The following DRAM1 variants were observed in gnomAD, a reference collection of about 807,000 sequenced individuals.
DRAM1 encodes DNA damage regulated autophagy modulator 1, also known as DNA damage-regulated autophagy modulator protein 1.
Under a neutral mutation model 28.5 loss-of-function variants are expected in DRAM1, and 25 were observed. The observed-to-expected ratio is 0.88, with a 90% CI of 0.64 to 1.23. DRAM1 has a LOEUF of 1.23. DRAM1 is among the 50% of genes most tolerant of loss of function. DRAM1 has a pLI of 0.00. For synonymous variants in DRAM1, 113 were observed against 114.2 expected (o/e 0.99, Z 0.07); for missense variants, 249 against 299.2 (o/e 0.83, Z 1.24).
chr12:101,920,867 TG>T (rs1874457161), intron 6 of DRAM1, among the ~76,000 whole-genome samples: 1 of 152,104 alleles, frequency 6.6e-6, no homozygotes, highest in African/African-American at 2.4e-5. Flanking sequence ...GCTGAGATCA[TG>T]CCATTGCACT....
Position 101,908,205 on chromosome 12 carries a change from T to C in DRAM1, c.362T>C (p.Val121Ala). 2 of 1,610,848 alleles carry C rather than the reference T, an allele frequency of 1.2e-6. No homozygotes were observed. Among genetic ancestry groups the C allele is most frequent in the Non-Finnish European group, 1.7e-6 (2 of 1,179,026 alleles). Residue 121 changes from valine (V) to alanine (A), a missense_variant, in exon 4 of 7, where the codon GTT becomes GCT. Val to Ala is a moderately conservative substitution (Grantham distance 64, BLOSUM62 0). Around this residue, in one of 3 missense-constraint regions of DRAM1, gnomAD observed 218 missense variants for 243.1 expected, o/e 0.90. Transcript: ENST00000258534. Reference protein sequence around the residue: ...ANFQELAVPVVHDGGALLAFV... With the variant: ...ANFQELAVPVAHDGGALLAFV... ...CTCCAGGAGTTAGCTGTGCCAGTGG[T>C]TCATGACGGGGGCGCTCTTTTGGCC...
intron 1 of DRAM1, among the ~76,000 whole-genome samples, chr12:101,885,868 CTTGT>C (rs1872869671): frequency 6.6e-6 from 1 of 152,066 alleles, no homozygotes; most frequent in Non-Finnish European, 1.5e-5. Context: ...GGATATTGAT[CTTGT>C]TTATTACCTG....
chr12:101,917,410 G>A (rs1157057456), intron 5 of DRAM1, among the ~76,000 whole-genome samples: 1 of 152,168 alleles, frequency 6.6e-6, no homozygotes, highest in East Asian at 1.9e-4. Context: ...CTTCTTGGCC[G>A]GGTGCGGTGG....
At chr12:101,899,731 G>A (rs1448225540) in intron 2 of DRAM1, among the ~76,000 whole-genome samples, 1 of 150,756 alleles carries the variant, frequency 6.6e-6, no homozygotes, top group Non-Finnish European at 1.5e-5. Context: ...TTTTTAGCCT[G>A]CTTTTTAAAA....
intron 3 of DRAM1, among the ~76,000 whole-genome samples, chr12:101,907,218 AG>A (rs373434938): frequency 0.088 from 12,339 of 140,608 alleles, 671 homozygotes; most frequent in Middle Eastern, 0.15. Flanking sequence ...AAAAAAAAAA[AG>A]AAGAAAAAAG....
At chr12:101,893,941 T>C (rs1447100101) in intron 1 of DRAM1, among the ~76,000 whole-genome samples, 1 of 151,788 alleles carries the variant, frequency 6.6e-6, no homozygotes, top group Non-Finnish European at 1.5e-5. Context: ...ATTAATTAAT[T>C]TATTTTTGAG....
chr12:101,911,834 C>T (rs1170167068), intron 4 of DRAM1, among the ~76,000 whole-genome samples: 2 of 152,094 alleles, frequency 1.3e-5, no homozygotes, highest in East Asian at 3.8e-4. Flanking sequence ...TTTATCAATA[C>T]ATAAGATATG....
intron 2 of DRAM1, among the ~76,000 whole-genome samples, chr12:101,898,969 T>C (rs1873490886): frequency 6.6e-6 from 1 of 152,216 alleles, no homozygotes; most frequent in South Asian, 2.1e-4. Flanking sequence ...TATATAGATA[T>C]CAGATGTGGG....
chr12:101,902,743 C>A (rs761973099), intron 3 of DRAM1, among the ~76,000 whole-genome samples: 110 of 152,316 alleles, frequency 7.2e-4, no homozygotes, highest in Admixed American at 2.2e-3. Context: ...GAAATAGAAT[C>A]TTAACTTCCC....
chr12:101,880,197 C>G (rs970695939), intron 1 of DRAM1, among the ~76,000 whole-genome samples: 3 of 151,254 alleles, frequency 2.0e-5, no homozygotes, highest in Non-Finnish European at 4.4e-5. Context: ...TGTAGATAGG[C>G]ATGCACAACC....
chr12:101,890,913 G>A (rs1367205645), intron 1 of DRAM1, among the ~76,000 whole-genome samples: 1 of 152,014 alleles, frequency 6.6e-6, no homozygotes, highest in African/African-American at 2.4e-5. Context: ...ACCACGCCCA[G>A]CTAATTTTTA....
intron 5 of DRAM1, among the ~76,000 whole-genome samples, chr12:101,914,485 C>CTTT (rs553791665): frequency 2.9e-4 from 40 of 137,450 alleles, no homozygotes; most frequent in South Asian, 2.1e-3. Context: ...TCTTCTTCTT[C>CTTT]TTTTTTTTTT....
At chr12:101,894,788 CAT>C (rs972340620) in intron 1 of DRAM1, among the ~76,000 whole-genome samples, 9 of 152,196 alleles carry the variant, frequency 5.9e-5, no homozygotes, top group Non-Finnish European at 1.3e-4. Context: ...CTCATTCTTT[CAT>C]TGCCTTCCCT....
intron 1 of DRAM1, chr12:101,889,991 T>C: frequency 2.3e-6 from 1 of 443,438 alleles, no homozygotes; most frequent in South Asian, 1.6e-5. Flanking sequence ...TTTCTAATGT[T>C]GTGAAGATCA....
At chr12:101,878,194 G>A (rs776357992) in intron 1 of DRAM1, among the ~76,000 whole-genome samples, 21 of 152,126 alleles carry the variant, frequency 1.4e-4, no homozygotes, top group Non-Finnish European at 2.8e-4. Flanking sequence ...CTGGGTATGG[G>A]ACAGAATCTC....
At chr12:101,909,527 C>T (rs1463885766) in intron 4 of DRAM1, among the ~76,000 whole-genome samples, 4 of 152,122 alleles carry the variant, frequency 2.6e-5, no homozygotes, top group Non-Finnish European at 5.9e-5. Context: ...AAACTCTCCC[C>T]CTCCCTGCAC....
At chr12:101,920,297 C>CTTTTTT (rs373899697) in intron 6 of DRAM1, 96 bp downstream of exon 6, 188 of 277,202 alleles carry the variant, frequency 6.8e-4, no homozygotes, top group East Asian at 4.9e-3. Context: ...AGAGCACTTT[C>CTTTTTT]TTTTTTTTTT....
At chr12:101,912,934 G>C (rs141180230) in intron 4 of DRAM1, among the ~76,000 whole-genome samples, 92 of 152,100 alleles carry the variant, frequency 6.0e-4, no homozygotes, top group African/African-American at 2.2e-3. Context: ...CACCATGTTG[G>C]TCAGACTAGT....
chr12:101,878,204 C>T (rs527544932), intron 1 of DRAM1, among the ~76,000 whole-genome samples: 9 of 152,150 alleles, frequency 5.9e-5, no homozygotes, highest in Non-Finnish European at 1.2e-4. Flanking sequence ...GACAGAATCT[C>T]AGCAGGACGT....
Sources: gnomAD v4.1 joint callset for allele counts (sites outside exome capture counted in the v4.1 genomes callset) on GRCh38, gnomAD v4.1.1 for gene constraint, gnomAD v4.1.1 regional missense constraint, MANE v1.5 for transcripts, NCBI Gene and HGNC (gene_info 2026-07-23, HGNC 2026-07-21) for gene names.